PDE7B: variants seen among roughly 807,000 people sequenced by gnomAD.
The protein encoded by PDE7B is 3',5'-cyclic-AMP phosphodiesterase 7B.
Under a neutral mutation model 56.2 loss-of-function variants are expected in PDE7B, and 29 were observed. The observed-to-expected ratio is 0.52, with a 90% CI of 0.38 to 0.70. The LOEUF is 0.70. Ranked by LOEUF, PDE7B falls within the 30% of genes least tolerant of loss-of-function variation. PDE7B has a pLI of 0.00. For synonymous variants in PDE7B, 197 were observed against 196.9 expected (o/e 1.00, Z 0.00); for missense variants, 490 against 565.0 (o/e 0.87, Z 1.35).
At position 136,056,512 on chromosome 6, in the gene PDE7B, C is replaced by CTTTTTTTTTTTTTTTTT. The variant is rs542232291; in HGVS notation, c.83-52198_83-52182dup. On this transcript the variant is annotated intron_variant, in intron 2 of 12. Coordinates refer to ENST00000308191, the MANE Select transcript of PDE7B (RefSeq NM_018945.4). ...TCTGAGCTCCTTTGCAGATAGAATC[C>CTTTTTTTTTTTTTTTTT]TTTTTTTTTTTTTTTTTTTTTTTTT... Among the ~76,000 whole-genome samples, 2 of 53,904 alleles carry CTTTTTTTTTTTTTTTTT rather than the reference C, an allele frequency of 3.7e-5. 1 individual carries two copies. The highest frequency in any genetic ancestry group is 1.9e-4 in the African/African-American group (2 of 10,456). 35.4% of individuals were successfully genotyped at this position (53,904 alleles called of 152,430 possible). A position where few individuals can be genotyped will look rare whatever the true frequency, so the allele number is the denominator to read the frequency against.
At chr6:136,058,368 A>T (rs1776775341) in intron 2 of PDE7B, among the ~76,000 whole-genome samples, 1 of 152,166 alleles carries the variant, frequency 6.6e-6, no homozygotes, top group Admixed American at 6.5e-5. Context: ...CTCACCCACA[A>T]ATGTCCAAAG....
At chr6:135,888,240 T>TA (rs1775744201) in intron 1 of PDE7B, among the ~76,000 whole-genome samples, 1 of 152,094 alleles carries the variant, frequency 6.6e-6, no homozygotes. Flanking sequence ...GACTACTTAG[T>TA]AAAAAAGAGG....
chr6:136,013,614 A>G (rs1775929060), intron 2 of PDE7B, among the ~76,000 whole-genome samples: 1 of 152,238 alleles, frequency 6.6e-6, no homozygotes, highest in African/African-American at 2.4e-5. Flanking sequence ...ACATAAGAGC[A>G]AACTCATACC....
chr6:135,914,485 C>CTTTTTT lies in PDE7B; in HGVS notation c.22-32958_22-32953dup, dbSNP rs759938662. ...CTGGCTTATTTCCCTTTTTATAATG[C>CTTTTTT]TTTTTTTTTTTTTTTTTTTTTTTTT... On this transcript the variant is annotated intron_variant, in intron 1 of 12. Coordinates refer to ENST00000308191, the MANE Select transcript of PDE7B (RefSeq NM_018945.4). Among the ~76,000 whole-genome samples, 2 of 41,914 alleles carry CTTTTTT rather than the reference C, an allele frequency of 4.8e-5. 1 individual carries two copies. Among genetic ancestry groups the CTTTTTT allele is most frequent in the African/African-American group, 2.9e-4 (2 of 6,944 alleles). 27.5% of individuals were successfully genotyped at this position (41,914 alleles called of 152,430 possible). A position where few individuals can be genotyped will look rare whatever the true frequency, so the allele number is the denominator to read the frequency against.
intron 2 of PDE7B, among the ~76,000 whole-genome samples, chr6:135,994,116 CTGTGTGTGTGTGTGTGTGTG>C (rs3220309): frequency 1.9e-4 from 26 of 138,726 alleles, no homozygotes; most frequent in Non-Finnish European, 2.0e-4. Context: ...TGTATTGGAT[CTGTGTGTGTGTGTGTGTGTG>C]TGTGTGTGTG....
chr6:135,932,594 T>TC (rs1175435594), intron 1 of PDE7B, among the ~76,000 whole-genome samples: 2 of 152,166 alleles, frequency 1.3e-5, no homozygotes, highest in African/African-American at 4.8e-5. Context: ...ATGCACACAT[T>TC]CATGAAATCG....
At chr6:136,042,781 G>A (rs1776434619) in intron 2 of PDE7B, among the ~76,000 whole-genome samples, 1 of 152,172 alleles carries the variant, frequency 6.6e-6, no homozygotes, top group South Asian at 2.1e-4. Flanking sequence ...CAAATATGTT[G>A]AAGAATGAAC....
intron 4 of PDE7B, 140 bp downstream of exon 4, chr6:136,147,642 TG>T: frequency 1.7e-6 from 1 of 599,150 alleles, no homozygotes; most frequent in Non-Finnish European, 3.0e-6. Flanking sequence ...CATCTGGACT[TG>T]TTCCTCTAAT....
intron 6 of PDE7B, among the ~76,000 whole-genome samples, chr6:136,153,852 T>G (rs968463280): frequency 2.0e-5 from 3 of 152,142 alleles, no homozygotes; most frequent in African/African-American, 7.2e-5. Context: ...GCTTCACAAA[T>G]CCTTTTGGCC....
chr6:136,166,597 A>T (rs1319915409), intron 8 of PDE7B, among the ~76,000 whole-genome samples: 1 of 152,058 alleles, frequency 6.6e-6, no homozygotes, highest in East Asian at 1.9e-4. Flanking sequence ...CACACTTTTA[A>T]ACAAGCAGAT....
At chr6:135,915,534 G>A (rs532526933) in intron 1 of PDE7B, among the ~76,000 whole-genome samples, 6 of 152,040 alleles carry the variant, frequency 3.9e-5, no homozygotes, top group Non-Finnish European at 5.9e-5. Context: ...GCATTTTCTT[G>A]CAAATACCTT....
chr6:136,110,066 T>C (rs1777716667), intron 3 of PDE7B, among the ~76,000 whole-genome samples: 1 of 152,212 alleles, frequency 6.6e-6, no homozygotes, highest in Non-Finnish European at 1.5e-5. Flanking sequence ...GGTGGCATGT[T>C]TGTATTTCTC....
intron 1 of PDE7B, among the ~76,000 whole-genome samples, chr6:135,853,137 A>T: frequency 6.6e-6 from 1 of 152,214 alleles, no homozygotes; most frequent in East Asian, 1.9e-4. Context: ...ATAAGACAGG[A>T]TTATTTGAAA....
intron 1 of PDE7B, among the ~76,000 whole-genome samples, chr6:135,878,222 T>G (rs1775537101): frequency 6.6e-6 from 1 of 152,218 alleles, no homozygotes; most frequent in African/African-American, 2.4e-5. Context: ...AATTTTATTT[T>G]CTTTGATATT....
At chr6:135,994,568 T>A (rs1775531523) in intron 2 of PDE7B, among the ~76,000 whole-genome samples, 1 of 152,176 alleles carries the variant, frequency 6.6e-6, no homozygotes, top group African/African-American at 2.4e-5. Context: ...TTTATAGAAG[T>A]CATGGATACA....
Position 136,195,357 on chromosome 6 carries a change from G to C in PDE7B, c.*3517G>C, listed in dbSNP as rs1352161688. ...TGAATCAGATCTGCTTACTTATTTA[G>C]GTTTGGTTATGAGCTTGTATCTCAC... On this transcript the variant is annotated 3_prime_UTR_variant, in exon 13 of 13. Coordinates refer to ENST00000308191, the MANE Select transcript of PDE7B (RefSeq NM_018945.4). The C allele has an allele frequency of 6.7e-6, 1 of 150,074 alleles. No homozygotes were observed. The highest frequency in any genetic ancestry group is 1.5e-5 in the Non-Finnish European group (1 of 67,846). The allele number at this position is 150,074 out of a possible 1,614,324, so 9.3% of individuals were successfully genotyped here. A position where few individuals can be genotyped will look rare whatever the true frequency, so the allele number is the denominator to read the frequency against.
chr6:136,191,702 C>T lies in PDE7B; in HGVS notation c.1215C>T (p.His405=). The change falls in exon 13 of 13, where the codon CAC becomes CAT. Residue 405 remains histidine (H), a synonymous_variant. Transcript: ENST00000308191. ...CCCTGTCGGAGAACATGCTGGGCCA[C>T]CTCGCACACAACAAGGCCCAGTGGA... The part of the protein sequence containing the change: ...NSTLSENMLG[H]LAHNKAQWKS... 6.2e-7 allele frequency: 1 copy of T among 1,613,522 alleles called. No individual in the cohort carries two copies. Among genetic ancestry groups the T allele is most frequent in the Non-Finnish European group, 8.5e-7 (1 of 1,179,750 alleles).
At chr6:135,878,285 T>A (rs906259784) in intron 1 of PDE7B, among the ~76,000 whole-genome samples, 5 of 152,158 alleles carry the variant, frequency 3.3e-5, no homozygotes, top group South Asian at 4.1e-4. Context: ...TCTTTTTTTT[T>A]AAAATAGTGT....
intron 1 of PDE7B, among the ~76,000 whole-genome samples, chr6:135,903,932 T>C: frequency 6.6e-6 from 1 of 152,336 alleles, no homozygotes; most frequent in Non-Finnish European, 1.5e-5. Context: ...GTACTTTTCA[T>C]TTTTCCAAAG....
Sources: gnomAD v4.1 joint callset for allele counts (sites outside exome capture counted in the v4.1 genomes callset) on GRCh38, gnomAD v4.1.1 for gene constraint, MANE v1.5 for transcripts, NCBI Gene and HGNC (gene_info 2026-07-23, HGNC 2026-07-21) for gene names.